The following SGCD variants were observed in gnomAD, a reference collection of about 807,000 sequenced individuals.
SGCD encodes delta-sarcoglycan.
Under a neutral mutation model 36.6 loss-of-function variants are expected in SGCD, and 18 were observed. The observed-to-expected ratio is 0.49, with a 90% CI of 0.34 to 0.73. SGCD has a LOEUF of 0.73. Among genes scored for constraint, SGCD ranks in the 30% least tolerant of loss-of-function variants. SGCD has a pLI of 0.01. For synonymous variants in SGCD, 133 were observed against 130.6 expected, an observed-to-expected ratio of 1.02 and a Z score of -0.12; for missense variants, 387 against 346.7, an observed-to-expected ratio of 1.12 and a Z score of -0.92.
intron 2 of SGCD, among the ~76,000 whole-genome samples, chr5:156,119,703 C>G (rs1191178347): frequency 6.6e-6 from 1 of 152,098 alleles, no homozygotes; most frequent in Non-Finnish European, 1.5e-5. Flanking sequence ...CTGCTGCTCC[C>G]ACTCTCCCTG....
At chr5:156,711,329 G>A (rs1489122826) in intron 7 of SGCD, among the ~76,000 whole-genome samples, 1 of 152,186 alleles carries the variant, frequency 6.6e-6, no homozygotes, top group Non-Finnish European at 1.5e-5. Flanking sequence ...AACATTGTGT[G>A]TCCACATGGC....
At chr5:156,178,154 G>C (rs777034570) in intron 3 of SGCD, among the ~76,000 whole-genome samples, 1 of 151,940 alleles carries the variant, frequency 6.6e-6, no homozygotes, top group African/African-American at 2.4e-5. Flanking sequence ...TGATTGTGTG[G>C]GTATTCAAAG....
chr5:155,814,105 C>T, the SGCD span, among the ~76,000 whole-genome samples: 1,018 of 152,338 alleles, frequency 6.7e-3, 11 homozygotes, highest in African/African-American at 0.024. Context: ...ACAAATCCCT[C>T]ATCTAGTCTT....
intron 4 of SGCD, among the ~76,000 whole-genome samples, chr5:156,585,575 G>A (rs1760458391): frequency 6.6e-6 from 1 of 152,218 alleles, no homozygotes; most frequent in East Asian, 1.9e-4. Flanking sequence ...TGACTACCCA[G>A]TGTTGAGAGC....
At chr5:156,611,081 T>A (rs919410544) in intron 6 of SGCD, among the ~76,000 whole-genome samples, 2 of 152,208 alleles carry the variant, frequency 1.3e-5, no homozygotes, top group Non-Finnish European at 2.9e-5. Flanking sequence ...CCCAGTGAGA[T>A]GAACCTGGTA....
intron 6 of SGCD, among the ~76,000 whole-genome samples, chr5:156,631,160 G>A (rs1007917267): frequency 6.6e-6 from 1 of 151,874 alleles, no homozygotes; most frequent in African/African-American, 2.4e-5. Flanking sequence ...TTTCATAATG[G>A]GTCAGAAAGA....
At chr5:156,248,046 T>C (rs1227502860) in intron 3 of SGCD, among the ~76,000 whole-genome samples, 2 of 152,184 alleles carry the variant, frequency 1.3e-5, no homozygotes, top group Non-Finnish European at 2.9e-5. Flanking sequence ...AAGGCTTCCA[T>C]GAGTAAATGT....
At chr5:156,071,952 C>T (rs553167652) in intron 1 of SGCD, among the ~76,000 whole-genome samples, 23 of 152,186 alleles carry the variant, frequency 1.5e-4, no homozygotes, top group African/African-American at 5.3e-4. Context: ...AGGATTGCAA[C>T]CCCTGCCTTT....
chr5:156,115,138 T>C (rs1377353646), intron 1 of SGCD, among the ~76,000 whole-genome samples: 6 of 152,100 alleles, frequency 3.9e-5, no homozygotes, highest in Non-Finnish European at 8.8e-5. Context: ...TGGAAATAAA[T>C]TGTTTTTATA....
chr5:156,474,368 A>G (rs959042601), intron 3 of SGCD, among the ~76,000 whole-genome samples: 4 of 152,236 alleles, frequency 2.6e-5, no homozygotes, highest in African/African-American at 7.2e-5. Flanking sequence ...AGGCTGTGCT[A>G]TGCACTTATG....
At chr5:156,437,549 G>T (rs1395041142) in intron 3 of SGCD, among the ~76,000 whole-genome samples, 1 of 152,182 alleles carries the variant, frequency 6.6e-6, no homozygotes, top group African/African-American at 2.4e-5. Flanking sequence ...TTTGGCAAAT[G>T]TTATAGCATA....
intron 3 of SGCD, among the ~76,000 whole-genome samples, chr5:156,409,228 C>T (rs539031250): frequency 2.0e-5 from 3 of 152,246 alleles, no homozygotes; most frequent in African/African-American, 7.2e-5. Context: ...CTGCTACAAA[C>T]CCCTTTTTTC....
intron 3 of SGCD, among the ~76,000 whole-genome samples, chr5:156,136,831 A>C (rs1418332527): frequency 6.6e-6 from 1 of 152,232 alleles, no homozygotes; most frequent in African/African-American, 2.4e-5. Flanking sequence ...GTTAAACCCC[A>C]AGTGGCAAAA....
At chr5:156,198,990 C>A (rs1764083584) in intron 3 of SGCD, among the ~76,000 whole-genome samples, 1 of 152,016 alleles carries the variant, frequency 6.6e-6, no homozygotes, top group Non-Finnish European at 1.5e-5. Context: ...CCAACACACC[C>A]AGCTCAATGG....
chr5:155,974,591 G>A (rs1231595008), intron 1 of SGCD, among the ~76,000 whole-genome samples: 3 of 150,214 alleles, frequency 2.0e-5, no homozygotes, highest in Non-Finnish European at 3.0e-5. Flanking sequence ...GGGGCCAGTA[G>A]TACTGCTACT....
chr5:156,674,232 T>C (rs139134405), intron 7 of SGCD, among the ~76,000 whole-genome samples: 4 of 152,320 alleles, frequency 2.6e-5, no homozygotes, highest in African/African-American at 9.6e-5. Flanking sequence ...TTCAATACTT[T>C]CATGGCTAAT....
At chr5:155,964,932 G>A (rs1581015688) in intron 1 of SGCD, among the ~76,000 whole-genome samples, 1 of 152,062 alleles carries the variant, frequency 6.6e-6, no homozygotes, top group South Asian at 2.1e-4. Context: ...TGTAGATTTA[G>A]CATTACTCCT....
chr5:156,285,772 T>G lies in SGCD; in HGVS notation c.-43-43762T>G, dbSNP rs575825442. ...TCAGGACATAGGCATGGGCAAGGACTTCATGTCTAAAACACCAAAAGCAAT... is the reference window on the plus strand; with the variant it reads ...TCAGGACATAGGCATGGGCAAGGACGTCATGTCTAAAACACCAAAAGCAAT... On this transcript the variant is annotated intron_variant, in intron 3 of 9. Coordinates refer to the SGCD transcript ENST00000517913. 1.8e-3 allele frequency among the ~76,000 whole-genome samples: 277 copies of G among 152,246 alleles called. 4 individuals carry two copies. Among genetic ancestry groups the G allele is most frequent in the East Asian group, 3.9e-4 (2 of 5,172 alleles).
chr5:156,565,913 A>T (rs1759462204), intron 4 of SGCD, among the ~76,000 whole-genome samples: 1 of 152,144 alleles, frequency 6.6e-6, no homozygotes, highest in African/African-American at 2.4e-5. Flanking sequence ...TCCATAGTGT[A>T]TTATGTGCCA....
Sources: allele counts gnomAD v4.1 joint callset (sites outside exome capture counted in the v4.1 genomes callset), GRCh38; gene constraint gnomAD v4.1.1; transcripts MANE v1.5; gene names NCBI Gene and HGNC (gene_info 2026-07-23, HGNC 2026-07-21).